Variants in PIP5K1B observed in about 807,000 individuals in gnomAD.
The protein encoded by PIP5K1B is phosphatidylinositol-4-phosphate 5-kinase type 1 beta.
A neutral mutation model predicts 67.0 loss-of-function variants in PIP5K1B; 42 were observed. That is an observed-to-expected ratio of 0.63 (90% CI 0.49 to 0.81). The LOEUF is 0.81. PIP5K1B is among the 30% of genes least tolerant of loss of function. PIP5K1B has a pLI of 0.00. For synonymous variants in PIP5K1B, 214 were observed against 231.4 expected, an observed-to-expected ratio of 0.92 and a Z score of 0.68; for missense variants, 459 against 646.3, an observed-to-expected ratio of 0.71 and a Z score of 3.14.
chr9:68,951,771 T>C (rs936929734), intron 14 of PIP5K1B, among the ~76,000 whole-genome samples: 15 of 152,214 alleles, frequency 9.9e-5, no homozygotes, highest in East Asian at 9.6e-4. Context: ...GTTTAACAAA[T>C]AGTCGTGTAA....
chr9:68,961,236 G>A lies in PIP5K1B; in HGVS notation c.1502+20446G>A, dbSNP rs575652972. Among the ~76,000 whole-genome samples the A allele has an allele frequency of 8.6e-5, 12 of 139,170 alleles. 1 individual carries two copies. The South Asian group carries it at 2.0e-3, about 24-fold the overall frequency. 91.3% of individuals were successfully genotyped at this position (139,170 alleles called of 152,430 possible). ...CGTCTCAAAAAAAAAAAAAAAAAGCGTGTCACCACAAATCTATCAAGACAG... is the reference window on the plus strand; with the variant it reads ...CGTCTCAAAAAAAAAAAAAAAAAGCATGTCACCACAAATCTATCAAGACAG... On this transcript the variant is annotated intron_variant, in intron 14 of 15. Coordinates refer to ENST00000265382, the MANE Select transcript of PIP5K1B (RefSeq NM_003558.4).
intron 14 of PIP5K1B, among the ~76,000 whole-genome samples, chr9:68,986,776 C>A (rs1830111973): frequency 6.6e-6 from 1 of 152,032 alleles, no homozygotes; most frequent in Admixed American, 6.6e-5. Context: ...TTTGTCTTAA[C>A]CATGCCAGTG....
At chr9:68,859,148 T>C (rs1822929362) in intron 4 of PIP5K1B, among the ~76,000 whole-genome samples, 1 of 152,244 alleles carries the variant, frequency 6.6e-6, no homozygotes, top group African/African-American at 2.4e-5. Flanking sequence ...TCCTTATCTA[T>C]ACTATGGCAT....
chr9:68,998,072 C>CTT (rs542788542), intron 15 of PIP5K1B, among the ~76,000 whole-genome samples: 6 of 127,058 alleles, frequency 4.7e-5, no homozygotes, highest in African/African-American at 1.7e-4. Context: ...TTTTTCTTTT[C>CTT]TTTTTTTTTT....
At chr9:68,987,723 T>C (rs1830153893) in intron 14 of PIP5K1B, among the ~76,000 whole-genome samples, 1 of 152,076 alleles carries the variant, frequency 6.6e-6, no homozygotes, top group South Asian at 2.1e-4. Context: ...CTCACAATCA[T>C]GGTGGAAGGC....
At chr9:68,856,613 C>T (rs1822791849) in intron 4 of PIP5K1B, among the ~76,000 whole-genome samples, 1 of 152,136 alleles carries the variant, frequency 6.6e-6, no homozygotes, top group Non-Finnish European at 1.5e-5. Context: ...TGTCTCTTTC[C>T]CCCACTAGAC....
At chr9:68,724,282 T>G (rs570540514) in intron 1 of PIP5K1B, among the ~76,000 whole-genome samples, 1 of 151,992 alleles carries the variant, frequency 6.6e-6, no homozygotes, top group East Asian at 1.9e-4. Flanking sequence ...CATGCTGTTT[T>G]GATTACTCTA....
intron 8 of PIP5K1B, among the ~76,000 whole-genome samples, chr9:68,910,201 GC>G (rs1295255332): frequency 2.0e-5 from 3 of 152,174 alleles, no homozygotes; most frequent in Non-Finnish European, 4.4e-5. Flanking sequence ...AAACAACTTT[GC>G]CTTTTATCTG....
At chr9:68,963,517 A>C (rs200429505) in intron 14 of PIP5K1B, among the ~76,000 whole-genome samples, 2 of 142,520 alleles carry the variant, frequency 1.4e-5, no homozygotes, top group East Asian at 4.1e-4. Context: ...AAAAAAAAAA[A>C]CAAAACCTAA....
intron 15 of PIP5K1B, among the ~76,000 whole-genome samples, chr9:68,997,038 G>T (rs151022671): frequency 6.6e-6 from 1 of 152,316 alleles, no homozygotes; most frequent in East Asian, 1.9e-4. Flanking sequence ...TTTTAGCCAC[G>T]CCAGTATTGG....
chr9:68,780,230 G>A (rs771850649), intron 2 of PIP5K1B: 101 of 1,543,236 alleles, frequency 6.5e-5, no homozygotes, highest in Non-Finnish European at 7.4e-5. Context: ...GCCCGGCGGA[G>A]GGCGGTGGCA....
intron 1 of PIP5K1B, chr9:68,707,603 A>G (rs1253308812): frequency 6.6e-6 from 1 of 152,200 alleles, no homozygotes; most frequent in Non-Finnish European, 1.5e-5. Flanking sequence ...CATTTTACAG[A>G]TGAGGAAACT....
chr9:68,751,006 A>G (rs1462102616), intron 2 of PIP5K1B, among the ~76,000 whole-genome samples: 1 of 152,166 alleles, frequency 6.6e-6, no homozygotes, highest in African/African-American at 2.4e-5. Flanking sequence ...TTCAAAGTTA[A>G]GCCATGTGGC....
chr9:68,938,201 T>TA (rs1157282175), intron 13 of PIP5K1B, among the ~76,000 whole-genome samples: 2 of 152,214 alleles, frequency 1.3e-5, no homozygotes, highest in Admixed American at 6.5e-5. Context: ...AGTGGGGTGC[T>TA]AAAGTCTCCT....
chr9:68,837,484 T>C (rs1219016217), intron 4 of PIP5K1B, among the ~76,000 whole-genome samples: 4 of 152,210 alleles, frequency 2.6e-5, no homozygotes, highest in Non-Finnish European at 5.9e-5. Flanking sequence ...GATTTATGTG[T>C]ATTATTATTT....
chr9:68,851,530 C>T (rs191504576), intron 4 of PIP5K1B, among the ~76,000 whole-genome samples: 4 of 152,274 alleles, frequency 2.6e-5, no homozygotes, highest in Admixed American at 1.3e-4. Context: ...CCAAAAGTCA[C>T]GTATGAAATG....
chr9:68,711,613 C>G (rs929264482), intron 1 of PIP5K1B, among the ~76,000 whole-genome samples: 1 of 152,074 alleles, frequency 6.6e-6, no homozygotes, highest in East Asian at 1.9e-4. Context: ...ATTTTTCGAA[C>G]CATTTTAGAA....
chr9:68,734,666 A>G (rs989036202), intron 1 of PIP5K1B, among the ~76,000 whole-genome samples: 2 of 152,222 alleles, frequency 1.3e-5, no homozygotes, highest in Non-Finnish European at 2.9e-5. Context: ...TGAAACTCAC[A>G]AGGATAAGAA....
intron 14 of PIP5K1B, among the ~76,000 whole-genome samples, chr9:68,959,869 T>A (rs1323472689): frequency 6.6e-6 from 1 of 152,236 alleles, no homozygotes; most frequent in Non-Finnish European, 1.5e-5. Context: ...GTTACTCAAC[T>A]GAATAATCTC....
Sources: gnomAD v4.1 joint callset for allele counts (sites outside exome capture counted in the v4.1 genomes callset) on GRCh38, gnomAD v4.1.1 for gene constraint, MANE v1.5 for transcripts, NCBI Gene and HGNC (gene_info 2026-07-23, HGNC 2026-07-21) for gene names.